ALOX5AP: variants seen among roughly 807,000 people sequenced by gnomAD.
The protein encoded by ALOX5AP is arachidonate 5-lipoxygenase-activating protein.
A neutral mutation model predicts 18.5 loss-of-function variants in ALOX5AP; 9 were observed. The ratio of observed to expected loss-of-function variants is 0.49; its 90% confidence interval spans 0.29 to 0.85. ALOX5AP has a LOEUF of 0.85. Among genes scored for constraint, ALOX5AP ranks in the 40% least tolerant of loss-of-function variants. The pLI, the probability that ALOX5AP is intolerant of heterozygous loss-of-function variation, is 0.08. For missense variants in ALOX5AP, 172 were observed against 202.5 expected, an observed-to-expected ratio of 0.85 and a Z score of 0.91; for synonymous variants, 81 against 78.6, an observed-to-expected ratio of 1.03 and a Z score of -0.16.
At chr13:30,753,157 G>A (rs1277176621) in intron 3 of ALOX5AP, among the ~76,000 whole-genome samples, 1 of 152,204 alleles carries the variant, frequency 6.6e-6, no homozygotes, top group African/African-American at 2.4e-5. Context: ...CAATGACAAG[G>A]GTGGGAAGCG....
chr13:30,719,532 A>C (rs1951577207), intron 1 of ALOX5AP, among the ~76,000 whole-genome samples: 1 of 152,234 alleles, frequency 6.6e-6, no homozygotes, highest in South Asian at 2.1e-4. Flanking sequence ...TATCTGCTCT[A>C]GGTATAGATT....
At chr13:30,739,096 C>T (rs1951742597) in intron 1 of ALOX5AP, among the ~76,000 whole-genome samples, 2 of 152,096 alleles carry the variant, frequency 1.3e-5, no homozygotes, top group Admixed American at 1.3e-4. Context: ...CCCCCTCCAC[C>T]GCCTCCACCG....
chr13:30,727,484 C>T (rs1951648254), intron 1 of ALOX5AP, among the ~76,000 whole-genome samples: 1 of 152,138 alleles, frequency 6.6e-6, no homozygotes, highest in African/African-American at 2.4e-5. Context: ...TTCACTTTTC[C>T]TATGTACCTC....
intron 1 of ALOX5AP, among the ~76,000 whole-genome samples, chr13:30,736,506 G>A (rs975160893): frequency 1.3e-5 from 2 of 152,096 alleles, no homozygotes; most frequent in Non-Finnish European, 2.9e-5. Flanking sequence ...TTAAGATAGA[G>A]AAAAAAAGAG....
At chr13:30,716,996 G>A (rs966858530) in intron 1 of ALOX5AP, among the ~76,000 whole-genome samples, 2 of 152,228 alleles carry the variant, frequency 1.3e-5, no homozygotes, top group Non-Finnish European at 2.9e-5. Context: ...CACCAGGGAA[G>A]CCTTGGTGTC....
At chr13:30,739,670 A>G (rs1951747355) in intron 1 of ALOX5AP, among the ~76,000 whole-genome samples, 1 of 152,186 alleles carries the variant, frequency 6.6e-6, no homozygotes. Context: ...CCTGACCTCA[A>G]GTCATCCTCC....
chr13:30,763,225 T>C (rs1951957773), intron 4 of ALOX5AP, among the ~76,000 whole-genome samples: 1 of 152,164 alleles, frequency 6.6e-6, no homozygotes, highest in Admixed American at 6.5e-5. Context: ...TGAGAATCAC[T>C]TAAGCCCAGA....
intron 1 of ALOX5AP, among the ~76,000 whole-genome samples, chr13:30,726,195 A>G (rs1388708498): frequency 6.6e-6 from 1 of 152,206 alleles, no homozygotes; most frequent in African/African-American, 2.4e-5. Flanking sequence ...TGAGTTTGCC[A>G]TCTCCTCGTG....
At chr13:30,738,223 G>T (rs914217705) in intron 1 of ALOX5AP, among the ~76,000 whole-genome samples, 1 of 152,200 alleles carries the variant, frequency 6.6e-6, no homozygotes, top group Non-Finnish European at 1.5e-5. Flanking sequence ...ATTGGGCAGA[G>T]CTGGCCCACC....
At chr13:30,714,798 A>C (rs1008960769) in intron 1 of ALOX5AP, among the ~76,000 whole-genome samples, 7 of 152,102 alleles carry the variant, frequency 4.6e-5, no homozygotes, top group Non-Finnish European at 1.0e-4. Context: ...TTGTTGAATG[A>C]CTTTACTTAG....
At position 30,723,954 on chromosome 13, in the gene ALOX5AP, A is replaced by G. The variant is rs189282024; in HGVS notation, c.116+10113A>G. Reference sequence around the variant, plus strand: ...TCAATTTTATTGAAGTATAAGTTACATACCATAAAAGTACTCATTTTGAGT... The same window carrying G: ...TCAATTTTATTGAAGTATAAGTTACGTACCATAAAAGTACTCATTTTGAGT... On this transcript the variant is annotated intron_variant, in intron 1 of 5. Transcript: ENST00000617770. Among the ~76,000 whole-genome samples the G allele has an allele frequency of 3.1e-4, 47 of 152,318 alleles. No homozygotes were observed. The East Asian group carries it at 6.9e-3, about 23-fold the overall frequency.
At position 30,744,281 on chromosome 13, in the gene ALOX5AP, G is replaced by A. The variant is rs1951791336; in HGVS notation, c.170+122G>A. On this transcript the variant is annotated intron_variant, in intron 2 of 4. Coordinates refer to ENST00000380490, the MANE Select transcript of ALOX5AP (RefSeq NM_001629.4). ...GAGCCAAGTTTCTGAGCGCCAGGGA[G>A]GTGAGGAAGGTTGGACTTCACCAGA... The A allele has an allele frequency of 3.6e-6, 3 of 832,170 alleles. No homozygotes were observed. The Admixed American group carries it at 6.7e-5, about 19-fold the overall frequency. The allele number at this position is 832,170 out of a possible 1,614,324, so 51.5% of individuals were successfully genotyped here.
intron 1 of ALOX5AP, among the ~76,000 whole-genome samples, chr13:30,735,920 T>C (rs570663899): frequency 6.6e-6 from 1 of 152,388 alleles, no homozygotes; most frequent in East Asian, 1.9e-4. Flanking sequence ...GAGCCAGGGC[T>C]GCAACTTGAA....
chr13:30,722,934 C>T (rs1951605679), intron 1 of ALOX5AP, among the ~76,000 whole-genome samples: 1 of 152,176 alleles, frequency 6.6e-6, no homozygotes, highest in Non-Finnish European at 1.5e-5. Context: ...TCTGAGGCCT[C>T]ACCAGAAGCA....
intron 4 of ALOX5AP, among the ~76,000 whole-genome samples, chr13:30,757,580 GA>G (rs1405179356): frequency 1.3e-5 from 2 of 152,202 alleles, no homozygotes; most frequent in East Asian, 1.9e-4. Context: ...AATGAAATAA[GA>G]GGGTCTTCTC....
rs1247887542 is a variant in ALOX5AP at position 30,763,980 on chromosome 13, C to T, written c.360C>T (p.Leu120=). 2 of 1,614,210 alleles carry T rather than the reference C, an allele frequency of 1.2e-6. No individual in the cohort carries two copies. The highest frequency in any genetic ancestry group is 4.5e-5 in the East Asian group (2 of 44,882). ...PGYIFGKRII[L]FLFLMSVAGI... The stretch of plus-strand genomic sequence containing the variant: ...ACATATTTGGGAAACGCATCATACT[C>T]TTCCTGTTCCTCATGTCCGTTGCTG... Residue 120 remains leucine (L), a synonymous_variant, in exon 5 of 5, where the codon CTC becomes CTT. Coordinates refer to ENST00000380490, the MANE Select transcript of ALOX5AP (RefSeq NM_001629.4).
intron 4 of ALOX5AP, 84 bp downstream of exon 4, chr13:30,756,109 C>A: frequency 7.4e-7 from 1 of 1,357,148 alleles, no homozygotes; most frequent in Non-Finnish European, 1.0e-6. Context: ...CAGTATTTGA[C>A]TAGATTCACG....
chr13:30,748,702 G>A (rs1462075154), intron 2 of ALOX5AP, among the ~76,000 whole-genome samples: 2 of 152,248 alleles, frequency 1.3e-5, no homozygotes, highest in East Asian at 3.8e-4. Context: ...CTTATTGAAT[G>A]CTTACTGTGA....
chr13:30,762,894 G>T (rs529298999), intron 4 of ALOX5AP, among the ~76,000 whole-genome samples: 2 of 152,324 alleles, frequency 1.3e-5, no homozygotes, highest in East Asian at 3.9e-4. Context: ...GGCAGTCAGA[G>T]GAGGGCTCTG....
Sources: gnomAD v4.1 joint callset for allele counts (sites outside exome capture counted in the v4.1 genomes callset) on GRCh38, gnomAD v4.1.1 for gene constraint, MANE v1.5 for transcripts, NCBI Gene and HGNC (gene_info 2026-07-23, HGNC 2026-07-21) for gene names.